Variants in CCNJL observed in about 807,000 individuals in gnomAD.
CCNJL encodes cyclin J like.
Under a neutral mutation model 33.4 loss-of-function variants are expected in CCNJL, and 33 were observed. The observed-to-expected ratio is 0.99, with a 90% CI of 0.75 to 1.32. CCNJL has a LOEUF of 1.32. Among genes scored for constraint, CCNJL ranks in the 40% most tolerant of loss-of-function variants. The pLI, the probability that CCNJL is intolerant of heterozygous loss-of-function variation, is 0.00. For missense variants in CCNJL, 512 were observed against 499.7 expected (o/e 1.02, Z -0.23); for synonymous variants, 227 against 220.9 (o/e 1.03, Z -0.24).
upstream of CCNJL, among the ~76,000 whole-genome samples, chr5:160,317,700 G>A (rs1223925884): frequency 1.3e-5 from 2 of 152,108 alleles, no homozygotes; most frequent in African/African-American, 2.4e-5. Context: ...TTTGGAACAC[G>A]GAAAGAAGGT....
At chr5:160,304,970 C>T (rs575854747) in intron 2 of CCNJL, among the ~76,000 whole-genome samples, 2 of 152,184 alleles carry the variant, frequency 1.3e-5, no homozygotes, top group Admixed American at 6.5e-5. Context: ...CACACCACCA[C>T]GCCCGGCTAT....
At chr5:160,300,731 C>T (rs1349846882) in intron 2 of CCNJL, among the ~76,000 whole-genome samples, 1 of 152,076 alleles carries the variant, frequency 6.6e-6, no homozygotes, top group Non-Finnish European at 1.5e-5. Flanking sequence ...ATAATCATAG[C>T]ACACTGCAGC....
At chr5:160,334,845 T>C (rs1182018817) in intron 1 of CCNJL, among the ~76,000 whole-genome samples, 3 of 152,170 alleles carry the variant, frequency 2.0e-5, no homozygotes, top group Non-Finnish European at 1.5e-5. Flanking sequence ...GACAAGAAAA[T>C]GTGGGCTGAT....
intron 2 of CCNJL, among the ~76,000 whole-genome samples, chr5:160,306,172 G>A (rs145926370): frequency 9.1e-4 from 137 of 151,130 alleles, no homozygotes; most frequent in Admixed American, 2.1e-3. Context: ...TCGGGAGGCT[G>A]AGGCAGGGGA....
intron 3 of CCNJL, among the ~76,000 whole-genome samples, chr5:160,277,448 T>A (rs149660863): frequency 9.3e-4 from 141 of 152,354 alleles, no homozygotes; most frequent in African/African-American, 3.3e-3. Context: ...GGAGGGGTGC[T>A]GTATAAGATG....
chr5:160,269,315 G>A (rs999080654), intron 3 of CCNJL: 4 of 432,422 alleles, frequency 9.3e-6, no homozygotes, highest in Non-Finnish European at 1.9e-5. Context: ...GGCCTGCGGG[G>A]TGGGGGCCAT....
chr5:160,267,186 AGACCCTG>A (rs1761631216), intron 3 of CCNJL, among the ~76,000 whole-genome samples: 1 of 152,184 alleles, frequency 6.6e-6, no homozygotes, highest in Admixed American at 6.5e-5. Flanking sequence ...ATGTGCTGGC[AGACCCTG>A]GACCACACAT....
intron 2 of CCNJL, among the ~76,000 whole-genome samples, chr5:160,308,226 C>T (rs1763153507): frequency 1.3e-5 from 2 of 152,236 alleles, no homozygotes; most frequent in Non-Finnish European, 2.9e-5. Flanking sequence ...CAAGTACCCA[C>T]CATGCACCTC....
chr5:160,259,909 G>A (rs571019807), intron 3 of CCNJL, 138 bp from the exon 4 acceptor site: 5 of 689,742 alleles, frequency 7.2e-6, no homozygotes, highest in South Asian at 1.8e-5. Context: ...GGAGGAATAG[G>A]AGCACACATT....
chr5:160,250,359 C>A lies in CCNJL; in HGVS notation c.*3019G>T, dbSNP rs1179278369. ...ACTTAGAGCTTCCTGCCTCACCTAG[C>A]CTTGCACACAGCGGGTGGTGAGCAC... is the stretch of plus-strand genomic sequence containing the variant. On this transcript the variant is annotated 3_prime_UTR_variant, in exon 6 of 6. Coordinates refer to ENST00000257536, the MANE Select transcript of CCNJL (RefSeq NM_001308173.3). 6.6e-6 allele frequency: 1 copy of A among 152,308 alleles called. No homozygotes were observed. The highest frequency in any genetic ancestry group is 1.9e-4 in the East Asian group (1 of 5,202). The allele number at this position is 152,308 out of a possible 1,614,324, so 9.4% of individuals were successfully genotyped here.
chr5:160,277,520 T>C (rs1238582679), intron 3 of CCNJL, among the ~76,000 whole-genome samples: 1 of 152,202 alleles, frequency 6.6e-6, no homozygotes, highest in Non-Finnish European at 1.5e-5. Context: ...ATACTATATT[T>C]ATGGTAGAGT....
At chr5:160,277,885 A>G (rs1762071053) in intron 3 of CCNJL, among the ~76,000 whole-genome samples, 1 of 151,342 alleles carries the variant, frequency 6.6e-6, no homozygotes, top group African/African-American at 2.4e-5. Flanking sequence ...AGCTGGGATT[A>G]CAGGCGCCCA....
intron 1 of CCNJL, among the ~76,000 whole-genome samples, chr5:160,334,815 C>T (rs186082697): frequency 8.9e-4 from 136 of 152,360 alleles, no homozygotes; most frequent in Non-Finnish European, 1.6e-3. Flanking sequence ...GGACCCCATT[C>T]TCTGGGCTTC....
At position 160,253,352 on chromosome 5, in the gene CCNJL, G is replaced by C. The variant is rs1160927496; in HGVS notation, c.*26C>G. The C allele has an allele frequency of 1.9e-6, 3 of 1,543,378 alleles. No individual in the cohort carries two copies. Among genetic ancestry groups the C allele is most frequent in the Non-Finnish European group, 2.6e-6 (3 of 1,141,936 alleles). On this transcript the variant is annotated 3_prime_UTR_variant, in exon 6 of 6. Coordinates refer to ENST00000257536, the MANE Select transcript of CCNJL (RefSeq NM_001308173.3). ...CTCTTCCTCTGCCCACATCTCCAAG[G>C]CTTCCTCGTGAGGTCTGGAGGTGGC...
intron 1 of CCNJL, among the ~76,000 whole-genome samples, chr5:160,319,741 GGAAA>G (rs1763417781): frequency 6.6e-6 from 1 of 152,120 alleles, no homozygotes; most frequent in Admixed American, 6.5e-5. Flanking sequence ...GACGAGCCTA[GGAAA>G]CATAGTGAGA....
chr5:160,328,879 C>CAAA (rs558876567), intron 1 of CCNJL, among the ~76,000 whole-genome samples: 3,586 of 139,890 alleles, frequency 0.026, 137 homozygotes, highest in African/African-American at 0.087. Context: ...GACTCTGTCT[C>CAAA]AAAAAAAAAA....
chr5:160,326,756 T>C (rs1763542098), intron 1 of CCNJL: 2 of 868,906 alleles, frequency 2.3e-6, no homozygotes, highest in Admixed American at 1.8e-5. Context: ...CAATCTCATC[T>C]TCAGATAAAC....
At chr5:160,266,326 C>T (rs1761585439) in intron 3 of CCNJL, among the ~76,000 whole-genome samples, 1 of 152,264 alleles carries the variant, frequency 6.6e-6, no homozygotes, top group Admixed American at 6.5e-5. Context: ...TCAATAGAGA[C>T]CTTTCTGATG....
At position 160,282,966 on chromosome 5, in the gene CCNJL, AATAT is replaced by A. The variant is rs70990720; in HGVS notation, c.67-2232_67-2229del. ...GTGACCCAGCCATTCCAGTCCTTGG[AATAT>A]ATATATATATATATATATATATATA... On this transcript the variant is annotated intron_variant, in intron 2 of 5. Coordinates refer to ENST00000257536, the MANE Select transcript of CCNJL (RefSeq NM_001308173.3). Among the ~76,000 whole-genome samples, 270 of 43,328 alleles carry A rather than the reference AATAT, an allele frequency of 6.2e-3. 1 individual carries two copies. Among genetic ancestry groups the A allele is most frequent in the Middle Eastern group, 0.01 (1 of 96 alleles). 28.4% of individuals were successfully genotyped at this position (43,328 alleles called of 152,430 possible).
Sources: gnomAD v4.1 joint callset for allele counts (sites outside exome capture counted in the v4.1 genomes callset) on GRCh38, gnomAD v4.1.1 for gene constraint, MANE v1.5 for transcripts, NCBI Gene and HGNC (gene_info 2026-07-23, HGNC 2026-07-21) for gene names.